Variants in TMEM178B observed in about 807,000 individuals in gnomAD.
TMEM178B encodes transmembrane protein 178B.
Under a neutral mutation model 31.0 loss-of-function variants are expected in TMEM178B, and 5 were observed. The observed-to-expected ratio is 0.16, with a 90% CI of 0.08 to 0.34. The LOEUF is 0.34. Among genes scored for constraint, TMEM178B ranks in the 10% least tolerant of loss-of-function variants. TMEM178B has a pLI of 1.00. For synonymous variants in TMEM178B, 164 were observed against 164.0 expected, an observed-to-expected ratio of 1.00 and a Z score of 0.00; for missense variants, 275 against 400.3, an observed-to-expected ratio of 0.69 and a Z score of 2.67.
chr7:141,159,676 T>C (rs986331006), intron 1 of TMEM178B, among the ~76,000 whole-genome samples: 6 of 152,178 alleles, frequency 3.9e-5, no homozygotes, highest in Admixed American at 2.0e-4. Flanking sequence ...GAGGACATCA[T>C]GCCAAGCGAA....
At chr7:141,225,679 T>A (rs1007922108) in intron 2 of TMEM178B, among the ~76,000 whole-genome samples, 3 of 152,200 alleles carry the variant, frequency 2.0e-5, no homozygotes, top group African/African-American at 7.2e-5. Flanking sequence ...TTGCCATCTC[T>A]GCCCCCTACC....
At chr7:141,276,033 CCT>C (rs1798261202) in intron 2 of TMEM178B, among the ~76,000 whole-genome samples, 1 of 152,306 alleles carries the variant, frequency 6.6e-6, no homozygotes, top group South Asian at 2.1e-4. Flanking sequence ...GATGATTCTT[CCT>C]CTGTTTTGAT....
chr7:141,237,654 A>G (rs1435918634), intron 2 of TMEM178B, among the ~76,000 whole-genome samples: 2 of 152,098 alleles, frequency 1.3e-5, no homozygotes, highest in Non-Finnish European at 2.9e-5. Context: ...TTTGTATTTA[A>G]TCTTATAAAC....
At chr7:141,306,520 A>G (rs758389671) in intron 2 of TMEM178B, among the ~76,000 whole-genome samples, 2 of 152,014 alleles carry the variant, frequency 1.3e-5, no homozygotes, top group Non-Finnish European at 2.9e-5. Context: ...ATCAAGCATT[A>G]TTAGTATAAG....
At position 141,192,565 on chromosome 7, in the gene TMEM178B, T is replaced by G. The variant is rs569209265; in HGVS notation, c.383-20026T>G. On this transcript the variant is annotated intron_variant, in intron 1 of 3. Transcript: ENST00000565468. ...GTGCAGTGGGGCGATCTTGGCTCGT[T>G]GCCAAGCTCTTGCCCCAGCCTCCCG... is the stretch of plus-strand genomic sequence containing the variant. Among the ~76,000 whole-genome samples, 502 of 151,980 alleles carry G rather than the reference T, an allele frequency of 3.3e-3. 3 individuals are homozygous for G. The highest frequency in any genetic ancestry group is 5.4e-3 in the Non-Finnish European group (367 of 67,972).
intron 3 of TMEM178B, among the ~76,000 whole-genome samples, chr7:141,458,584 A>G (rs1478925885): frequency 1.3e-5 from 2 of 152,120 alleles, no homozygotes; most frequent in Non-Finnish European, 2.9e-5. Context: ...GGATTGAAGG[A>G]GAATGGAGTG....
At chr7:141,238,506 C>T (rs776467127) in intron 2 of TMEM178B, among the ~76,000 whole-genome samples, 2 of 152,118 alleles carry the variant, frequency 1.3e-5, no homozygotes, top group Non-Finnish European at 2.9e-5. Flanking sequence ...AGAAAAAATA[C>T]CTGTGCAGTT....
intron 2 of TMEM178B, among the ~76,000 whole-genome samples, chr7:141,310,539 A>G (rs1470720191): frequency 6.6e-6 from 1 of 152,184 alleles, no homozygotes; most frequent in African/African-American, 2.4e-5. Context: ...TAAGCCCTGC[A>G]TGCATTAGGT....
chr7:141,300,730 C>T, intron 2 of TMEM178B, among the ~76,000 whole-genome samples: 1 of 152,110 alleles, frequency 6.6e-6, no homozygotes, highest in Admixed American at 6.5e-5. Flanking sequence ...CACAGGATAG[C>T]ACAGAATCCC....
chr7:141,445,828 C>T (rs1223578368), intron 3 of TMEM178B, among the ~76,000 whole-genome samples: 1 of 152,188 alleles, frequency 6.6e-6, no homozygotes, highest in Non-Finnish European at 1.5e-5. Context: ...TCTTCTTACC[C>T]TGCCAATCTG....
intron 2 of TMEM178B, among the ~76,000 whole-genome samples, chr7:141,326,072 C>G (rs1404338509): frequency 1.3e-5 from 2 of 152,144 alleles, no homozygotes; most frequent in Non-Finnish European, 2.9e-5. Flanking sequence ...TTATAATATT[C>G]AGACATTTTA....
At chr7:141,239,090 A>G (rs540582490) in intron 2 of TMEM178B, among the ~76,000 whole-genome samples, 28 of 152,264 alleles carry the variant, frequency 1.8e-4, no homozygotes, top group African/African-American at 6.7e-4. Flanking sequence ...AGCTGACCCA[A>G]CTATCCTGAC....
intron 2 of TMEM178B, among the ~76,000 whole-genome samples, chr7:141,246,010 T>C (rs1797724767): frequency 6.6e-6 from 1 of 152,130 alleles, no homozygotes; most frequent in Admixed American, 6.5e-5. Flanking sequence ...TTTTTTTTTT[T>C]CCTGAATTCC....
At chr7:141,224,849 G>A (rs1797315337) in intron 2 of TMEM178B, among the ~76,000 whole-genome samples, 1 of 152,200 alleles carries the variant, frequency 6.6e-6, no homozygotes, top group South Asian at 2.1e-4. Flanking sequence ...TCTCCTGAAT[G>A]AGGTTGAAAT....
At chr7:141,333,427 G>A (rs774349775) in intron 2 of TMEM178B, among the ~76,000 whole-genome samples, 10 of 152,224 alleles carry the variant, frequency 6.6e-5, no homozygotes, top group Non-Finnish European at 1.3e-4. Context: ...ATTAGCAAGT[G>A]TGGGAATTGT....
intron 1 of TMEM178B, among the ~76,000 whole-genome samples, chr7:141,203,613 G>C (rs113999141): frequency 2.6e-5 from 4 of 152,148 alleles, no homozygotes; most frequent in Admixed American, 2.6e-4. Flanking sequence ...CCTTGTAGCC[G>C]TGGTGTCTGA....
chr7:141,128,846 C>A (rs1020969048), intron 1 of TMEM178B, among the ~76,000 whole-genome samples: 3 of 152,078 alleles, frequency 2.0e-5, no homozygotes, highest in Non-Finnish European at 2.9e-5. Context: ...TTGTCAGAAA[C>A]AAGGAGCCTT....
intron 2 of TMEM178B, among the ~76,000 whole-genome samples, chr7:141,215,337 A>ATTATTATTATTTTTTT (rs55726735): frequency 1.6e-4 from 22 of 141,484 alleles, no homozygotes; most frequent in Non-Finnish European, 2.3e-4. Flanking sequence ...TATTATTATT[A>ATTATTATTATTTTTTT]TTTTTTGAGA....
chr7:141,402,829 G>A (rs1161434844), intron 2 of TMEM178B, among the ~76,000 whole-genome samples: 1 of 152,278 alleles, frequency 6.6e-6, no homozygotes, highest in African/African-American at 2.4e-5. Flanking sequence ...CTGCAAATCT[G>A]CAGAGGGCTC....
Sources: gnomAD v4.1 joint callset for allele counts (sites outside exome capture counted in the v4.1 genomes callset) on GRCh38, gnomAD v4.1.1 for gene constraint, MANE v1.5 for transcripts, NCBI Gene and HGNC (gene_info 2026-07-23, HGNC 2026-07-21) for gene names.